Variants in FAM168A observed in about 807,000 individuals in gnomAD.
The protein encoded by FAM168A is family with sequence similarity 168 member A.
In FAM168A, 3 loss-of-function variants were observed where a neutral mutation model predicts 28.5. That is an observed-to-expected ratio of 0.11 (90% confidence interval 0.05 to 0.27). The LOEUF (loss-of-function observed/expected upper bound fraction) is 0.27, where lower values mean the gene tolerates loss of function less well. Ranked by LOEUF, FAM168A falls within the 10% of genes least tolerant of loss-of-function variation. FAM168A has a pLI of 1.00. For missense variants in FAM168A, 222 were observed against 311.5 expected, an observed-to-expected ratio of 0.71 and a Z score of 2.16; for synonymous variants, 122 against 124.2, an observed-to-expected ratio of 0.98 and a Z score of 0.12.
intron 1 of FAM168A, among the ~76,000 whole-genome samples, chr11:73,473,549 C>T (rs143246380): frequency 1.3e-5 from 2 of 152,284 alleles, no homozygotes; most frequent in Non-Finnish European, 1.5e-5. Context: ...GCAACTTCTA[C>T]CACTATCTTT....
chr11:73,459,094 T>C (rs1867593038), intron 2 of FAM168A, among the ~76,000 whole-genome samples: 1 of 151,990 alleles, frequency 6.6e-6, no homozygotes, highest in African/African-American at 2.4e-5. Flanking sequence ...TGTTTTGTTT[T>C]GTTTTTATAG....
intron 1 of FAM168A, among the ~76,000 whole-genome samples, chr11:73,558,353 T>C (rs1943914052): frequency 6.6e-6 from 1 of 151,252 alleles, no homozygotes. Flanking sequence ...TCTGTAGTCC[T>C]AGCTACTTAG....
At chr11:73,532,522 T>C (rs1385001869) in intron 1 of FAM168A, among the ~76,000 whole-genome samples, 1 of 152,214 alleles carries the variant, frequency 6.6e-6, no homozygotes, top group African/African-American at 2.4e-5. Context: ...AGCTTAAGTA[T>C]TTCTTTGTGC....
At chr11:73,551,316 G>C (rs1943826624) in intron 1 of FAM168A, among the ~76,000 whole-genome samples, 1 of 152,172 alleles carries the variant, frequency 6.6e-6, no homozygotes, top group African/African-American at 2.4e-5. Flanking sequence ...TGGTGGAGGT[G>C]AGACAGTAGG....
intron 3 of FAM168A, among the ~76,000 whole-genome samples, chr11:73,425,267 T>C (rs1181065621): frequency 1.3e-5 from 2 of 152,206 alleles, no homozygotes; most frequent in African/African-American, 2.4e-5. Flanking sequence ...CTGGATGCCA[T>C]AGTGTCTTCC....
intron 1 of FAM168A, among the ~76,000 whole-genome samples, chr11:73,553,647 T>A (rs79043443): frequency 0.084 from 12,810 of 152,064 alleles, 1,636 homozygotes; most frequent in African/African-American, 0.28. Context: ...CCTGCAATGA[T>A]CTAGGATAAT....
At chr11:73,561,122 C>T (rs187927826) in intron 1 of FAM168A, among the ~76,000 whole-genome samples, 3,180 of 151,312 alleles carry the variant, frequency 0.021, 40 homozygotes, top group Non-Finnish European at 0.033. Context: ...TGCCTGTAAT[C>T]CCAGCACTTT....
At chr11:73,430,318 G>GT (rs2134510255) in intron 3 of FAM168A, 1 of 282,814 alleles carries the variant, frequency 3.5e-6, no homozygotes, top group South Asian at 3.2e-5. Flanking sequence ...AGGGGTGTGT[G>GT]GGTGTGTGTG....
intron 2 of FAM168A, among the ~76,000 whole-genome samples, chr11:73,439,674 C>G (rs926480220): frequency 6.6e-6 from 1 of 151,986 alleles, no homozygotes; most frequent in African/African-American, 2.4e-5. Context: ...AGCAGATGGC[C>G]TATTCTCTCA....
intron 1 of FAM168A, among the ~76,000 whole-genome samples, chr11:73,476,983 G>C (rs1012308843): frequency 2.6e-5 from 4 of 151,918 alleles, no homozygotes; most frequent in Admixed American, 2.0e-4. Flanking sequence ...AGAAAGAGGA[G>C]AGAAAGAAAA....
chr11:73,457,427 G>A (rs952726027), intron 2 of FAM168A, among the ~76,000 whole-genome samples: 2 of 151,462 alleles, frequency 1.3e-5, no homozygotes, highest in African/African-American at 4.8e-5. Context: ...AAATTTAGGG[G>A]TTACCAGGGC....
At position 73,493,185 on chromosome 11, in the gene FAM168A, A is replaced by T. The variant is rs111749799; in HGVS notation, c.-18-24693T>A. On this transcript the variant is annotated intron_variant, in intron 1 of 7. Transcript: ENST00000356467. Reference sequence around the variant, plus strand: ...AACCTAAAATGAAAGTAGGAAAAAAAAAATCACAAAGTGAAAAAAAAAGTC... The same window carrying T: ...AACCTAAAATGAAAGTAGGAAAAAATAAATCACAAAGTGAAAAAAAAAGTC... Among the ~76,000 whole-genome samples, 33 of 152,278 alleles carry T rather than the reference A, an allele frequency of 2.2e-4. 1 individual carries two copies. The highest frequency in any genetic ancestry group is 7.2e-4 in the African/African-American group (30 of 41,568).
intron 1 of FAM168A, among the ~76,000 whole-genome samples, chr11:73,513,535 C>A (rs1855271114): frequency 6.6e-6 from 1 of 151,970 alleles, no homozygotes. Flanking sequence ...AATTTAAAAG[C>A]TAGTATATGA....
At chr11:73,458,528 C>T (rs1867581424) in intron 2 of FAM168A, among the ~76,000 whole-genome samples, 1 of 152,188 alleles carries the variant, frequency 6.6e-6, no homozygotes, top group Non-Finnish European at 1.5e-5. Flanking sequence ...AGAGGACTTG[C>T]CTGACACTTC....
chr11:73,566,758 T>C (rs976663958), intron 1 of FAM168A, among the ~76,000 whole-genome samples: 1 of 152,100 alleles, frequency 6.6e-6, no homozygotes, highest in South Asian at 2.1e-4. Context: ...ATGCTAATGA[T>C]AAAAAGCAAG....
chr11:73,402,534 A>AG lies in FAM168A; in HGVS notation c.*4228dup, dbSNP rs1250547495. 1 of 152,248 alleles carries AG rather than the reference A, an allele frequency of 6.6e-6. No homozygotes were observed. The allele number at this position is 152,248 out of a possible 1,614,324, so 9.4% of individuals were successfully genotyped here. On this transcript the variant is annotated 3_prime_UTR_variant, in exon 8 of 8. Coordinates refer to ENST00000356467, the MANE Select transcript of FAM168A (RefSeq NM_015159.3). ...CAAACTTGGAACAATTCGGGTGGCC[A>AG]GGGGTAAGGATGCTCAGAGTCTGGT...
intron 3 of FAM168A, among the ~76,000 whole-genome samples, chr11:73,429,101 C>G (rs1450399042): frequency 6.6e-6 from 1 of 152,102 alleles, no homozygotes; most frequent in Non-Finnish European, 1.5e-5. Flanking sequence ...TCTGATAGGT[C>G]AGGTGACTCT....
chr11:73,428,761 A>G (rs1022588496), intron 3 of FAM168A, among the ~76,000 whole-genome samples: 6 of 152,192 alleles, frequency 3.9e-5, no homozygotes, highest in Admixed American at 3.3e-4. Flanking sequence ...TGTCATATTG[A>G]CTAAAGGTAA....
intron 1 of FAM168A, among the ~76,000 whole-genome samples, chr11:73,578,118 C>T (rs1003058157): frequency 1.3e-5 from 2 of 152,192 alleles, no homozygotes; most frequent in Non-Finnish European, 2.9e-5. Flanking sequence ...TCTTTATACA[C>T]ATTAATCCTA....
Sources: allele counts gnomAD v4.1 joint callset (sites outside exome capture counted in the v4.1 genomes callset), GRCh38; gene constraint gnomAD v4.1.1; transcripts MANE v1.5; gene names NCBI Gene and HGNC (gene_info 2026-07-23, HGNC 2026-07-21).